DNAH5: variants seen among roughly 807,000 people sequenced by gnomAD.
DNAH5 encodes dynein axonemal heavy chain 5, also known as axonemal beta dynein heavy chain 5.
DNAH5 carries 372 observed loss-of-function variants against 518.2 expected under a neutral mutation model. The observed-to-expected ratio is 0.72, with a 90% CI of 0.66 to 0.78. DNAH5 has a LOEUF of 0.78. Among genes scored for constraint, DNAH5 ranks in the 30% least tolerant of loss-of-function variants. The pLI is 0.00. For synonymous variants in DNAH5, 2,039 were observed against 2,025.9 expected (o/e 1.01, Z -0.17); for missense variants, 5,523 against 5,687.0 (o/e 0.97, Z 0.93).
chr5:13,718,035 T>C (rs1021595589), intron 72 of DNAH5, among the ~76,000 whole-genome samples: 11 of 152,116 alleles, frequency 7.2e-5, no homozygotes, highest in African/African-American at 2.7e-4. Context: ...ATTTATTTTT[T>C]ACTGCCATTA....
upstream of DNAH5, among the ~76,000 whole-genome samples, chr5:13,945,134 G>A (rs1423357662): frequency 6.6e-6 from 1 of 152,230 alleles, no homozygotes; most frequent in Non-Finnish European, 1.5e-5. Flanking sequence ...TCACACAGTT[G>A]CACATACACT....
At chr5:13,760,652 G>T (rs1580102709) in intron 60 of DNAH5, among the ~76,000 whole-genome samples, 3 of 152,228 alleles carry the variant, frequency 2.0e-5, no homozygotes, top group African/African-American at 7.2e-5. Context: ...TTCACTACTA[G>T]AAGTCACTTA....
intron 1 of DNAH5, among the ~76,000 whole-genome samples, chr5:13,997,847 ATT>A (rs570297298): frequency 2.1e-5 from 3 of 144,410 alleles, no homozygotes; most frequent in African/African-American, 2.5e-5. Flanking sequence ...TCACAATTCT[ATT>A]TTTTTTTTTT....
At chr5:13,782,245 G>C (rs1328701446) in intron 52 of DNAH5, among the ~76,000 whole-genome samples, 4 of 152,178 alleles carry the variant, frequency 2.6e-5, no homozygotes, top group Admixed American at 6.5e-5. Context: ...CTGGGGCTCT[G>C]CATTCTGCCA....
chr5:13,705,128 A>G (rs1207007218), intron 76 of DNAH5, among the ~76,000 whole-genome samples: 1 of 151,926 alleles, frequency 6.6e-6, no homozygotes, highest in Non-Finnish European at 1.5e-5. Context: ...AGTAGCTGGG[A>G]CTACAGATGC....
At chr5:13,757,542 C>A (rs1309611282) in intron 61 of DNAH5, among the ~76,000 whole-genome samples, 1 of 151,924 alleles carries the variant, frequency 6.6e-6, no homozygotes, top group African/African-American at 2.4e-5. Flanking sequence ...CAAAAACTGA[C>A]AAATGGGATC....
chr5:13,803,635 G>C (rs1385558367), intron 47 of DNAH5, among the ~76,000 whole-genome samples: 1 of 152,196 alleles, frequency 6.6e-6, no homozygotes, highest in Non-Finnish European at 1.5e-5. Flanking sequence ...TTTTAAGAGA[G>C]CTTTATGATA....
intron 1 of DNAH5, among the ~76,000 whole-genome samples, chr5:13,994,309 C>T (rs1783775113): frequency 6.6e-6 from 1 of 152,150 alleles, no homozygotes; most frequent in African/African-American, 2.4e-5. Flanking sequence ...AGACAACTTC[C>T]TCCCCAAAAA....
intron 1 of DNAH5, among the ~76,000 whole-genome samples, chr5:13,939,771 C>A (rs970198573): frequency 2.6e-5 from 4 of 152,122 alleles, no homozygotes; most frequent in African/African-American, 9.7e-5. Flanking sequence ...CGGTGAAGGG[C>A]CACAGCTGCA....
At chr5:13,978,611 G>A (rs1230340290) in intron 1 of DNAH5, among the ~76,000 whole-genome samples, 2 of 152,164 alleles carry the variant, frequency 1.3e-5, no homozygotes, top group Non-Finnish European at 2.9e-5. Flanking sequence ...TGTTTACCAT[G>A]CCTTTTCTAT....
chr5:13,852,189 T>C (rs759232422), intron 30 of DNAH5, among the ~76,000 whole-genome samples: 1 of 152,136 alleles, frequency 6.6e-6, no homozygotes, highest in Non-Finnish European at 1.5e-5. Context: ...GTTTCTGTGA[T>C]GGAGTTTCGC....
intron 1 of DNAH5, among the ~76,000 whole-genome samples, chr5:14,001,098 A>C (rs1426512474): frequency 6.6e-6 from 1 of 152,228 alleles, no homozygotes; most frequent in African/African-American, 2.4e-5. Flanking sequence ...CACTGGGTAC[A>C]CATGAACGTA....
At chr5:13,796,326 T>G (rs1041904014) in intron 47 of DNAH5, among the ~76,000 whole-genome samples, 1 of 152,188 alleles carries the variant, frequency 6.6e-6, no homozygotes, top group Admixed American at 6.5e-5. Flanking sequence ...AAAATCTCCT[T>G]AAGCTGATAA....
intron 32 of DNAH5, among the ~76,000 whole-genome samples, chr5:13,843,807 C>A (rs571806305): frequency 6.6e-6 from 1 of 152,202 alleles, no homozygotes. Flanking sequence ...AAAGCCCTCC[C>A]GGACACCCCC....
chr5:13,974,878 A>G lies in DNAH5; in HGVS notation c.12+36770T>C, dbSNP rs556385796. ...ACACAAGGTGGCTCGGAAGCCATGG[A>G]AAGCTGGTATCGGTGGCCAGGAGGC... On this transcript the variant is annotated intron_variant, in intron 1 of 78. Transcript: ENST00000681290. Among the ~76,000 whole-genome samples the G allele has an allele frequency of 7.9e-5, 12 of 152,222 alleles. No homozygotes were observed. The South Asian group carries it at 2.3e-3, about 29-fold the overall frequency.
rs552076179 is a variant in DNAH5 at position 13,911,477 on chromosome 5, A to T, written c.1553T>A (p.Ile518Lys). 1 of 1,613,648 alleles carries T rather than the reference A, an allele frequency of 6.2e-7. No individual in the cohort carries two copies. Among genetic ancestry groups the T allele is most frequent in the Non-Finnish European group, 8.5e-7 (1 of 1,179,756 alleles). ...ATKYQGIVATIKKKEYNFLDQ... is the reference protein window; with the variant it reads ...ATKYQGIVATKKKKEYNFLDQ... ...TAGGAAATTGTATTCCTTTTTCTTTATGGTTGCCACAATGCCCTGAAATAT... is the reference window on the plus strand; with the variant it reads ...TAGGAAATTGTATTCCTTTTTCTTTTTGGTTGCCACAATGCCCTGAAATAT... The change falls in exon 12 of 79, where the codon ATA becomes AAA. Residue 518 changes from isoleucine (I) to lysine (K), a missense_variant. Ile to Lys is a moderately radical substitution (Grantham distance 102). Coordinates refer to ENST00000265104, the MANE Select transcript of DNAH5 (RefSeq NM_001369.3).
At position 13,711,029 on chromosome 5, in the gene DNAH5, C is replaced by T. The variant is rs1336960136; in HGVS notation, c.13126-2694G>A. On this transcript the variant is annotated intron_variant, in intron 75 of 78. Coordinates refer to ENST00000265104, the MANE Select transcript of DNAH5 (RefSeq NM_001369.3). ...TTAATTCATTCTATGAAGCCAGCATCACCCTAATACCAAAATCAGGAAAGG... is the reference window on the plus strand; with the variant it reads ...TTAATTCATTCTATGAAGCCAGCATTACCCTAATACCAAAATCAGGAAAGG... Among the ~76,000 whole-genome samples the T allele has an allele frequency of 2.0e-5, 3 of 152,172 alleles. 1 individual carries two copies. Among genetic ancestry groups the T allele is most frequent in the Non-Finnish European group, 2.9e-5 (2 of 68,022 alleles).
intron 65 of DNAH5, 104 bp downstream of exon 65, chr5:13,750,974 A>G (rs1750130939): frequency 2.3e-6 from 3 of 1,288,086 alleles, no homozygotes; most frequent in Admixed American, 3.9e-5. Flanking sequence ...CAGGGAATAA[A>G]AGGAGAGAAA....
At chr5:13,853,361 C>A (rs1087771) in intron 30 of DNAH5, among the ~76,000 whole-genome samples, 1 of 152,032 alleles carries the variant, frequency 6.6e-6, no homozygotes, top group African/African-American at 2.4e-5. Context: ...AAACTCCATC[C>A]GAAGGTCACC....
Sources: allele counts gnomAD v4.1 joint callset (sites outside exome capture counted in the v4.1 genomes callset), GRCh38; gene constraint gnomAD v4.1.1; transcripts MANE v1.5; gene names NCBI Gene and HGNC (gene_info 2026-07-23, HGNC 2026-07-21).